Variants in CLDN10 observed in about 807,000 individuals in gnomAD.
CLDN10 encodes the protein claudin-10.
In CLDN10, 15 loss-of-function variants were observed where a neutral mutation model predicts 22.9. The ratio of observed to expected loss-of-function variants is 0.65; its 90% CI spans 0.44 to 1.01. The LOEUF (loss-of-function observed/expected upper bound fraction) is 1.01, where lower values mean the gene tolerates loss of function less well. CLDN10 is among the 50% of genes least tolerant of loss of function. The pLI is 0.00. For synonymous variants in CLDN10, 114 were observed against 111.4 expected, an observed-to-expected ratio of 1.02 and a Z score of -0.15; for missense variants, 247 against 287.8, an observed-to-expected ratio of 0.86 and a Z score of 1.03.
chr13:95,573,239 G>C (rs2043884146), intron 3 of CLDN10, among the ~76,000 whole-genome samples: 2 of 152,190 alleles, frequency 1.3e-5, no homozygotes, highest in Non-Finnish European at 2.9e-5. Flanking sequence ...AATGTGTATT[G>C]AAGTTATACG....
At chr13:95,451,177 C>T (rs1018894729) in intron 1 of CLDN10, among the ~76,000 whole-genome samples, 3 of 152,180 alleles carry the variant, frequency 2.0e-5, no homozygotes, top group African/African-American at 4.8e-5. Flanking sequence ...GGCCAATCCC[C>T]GGCAGGAAGA....
At chr13:95,495,445 T>C (rs894934866) in intron 1 of CLDN10, among the ~76,000 whole-genome samples, 2 of 151,774 alleles carry the variant, frequency 1.3e-5, no homozygotes, top group African/African-American at 4.8e-5. Flanking sequence ...TGTAATTTCC[T>C]AGAAAGAAAT....
chr13:95,478,035 G>A (rs2042702510), intron 1 of CLDN10, among the ~76,000 whole-genome samples: 1 of 152,256 alleles, frequency 6.6e-6, no homozygotes, highest in Non-Finnish European at 1.5e-5. Flanking sequence ...GCCAGGCACA[G>A]TGGCTCATGC....
intron 1 of CLDN10, among the ~76,000 whole-genome samples, chr13:95,466,685 T>C (rs908121083): frequency 1.6e-4 from 24 of 152,080 alleles, no homozygotes; most frequent in African/African-American, 5.6e-4. Flanking sequence ...TAACTTGTCA[T>C]TGATGCCTTA....
chr13:95,561,151 A>G (rs1338300104), intron 3 of CLDN10, among the ~76,000 whole-genome samples: 1 of 152,198 alleles, frequency 6.6e-6, no homozygotes, highest in African/African-American at 2.4e-5. Context: ...ATCAGAATTA[A>G]TATATTAAAT....
chr13:95,541,677 CG>C (rs1291918343), intron 1 of CLDN10, among the ~76,000 whole-genome samples: 1 of 151,988 alleles, frequency 6.6e-6, no homozygotes, highest in Non-Finnish European at 1.5e-5. Context: ...ACTTTTTAGA[CG>C]GGAAAAATGG....
At chr13:95,497,489 GC>G (rs1179725572) in intron 1 of CLDN10, among the ~76,000 whole-genome samples, 5 of 152,150 alleles carry the variant, frequency 3.3e-5, no homozygotes, top group African/African-American at 1.2e-4. Flanking sequence ...CTGTTACTCT[GC>G]AAAGGACAGA....
At chr13:95,511,343 A>G (rs1397798816) in intron 1 of CLDN10, among the ~76,000 whole-genome samples, 1 of 152,040 alleles carries the variant, frequency 6.6e-6, no homozygotes, top group Non-Finnish European at 1.5e-5. Context: ...GGAAAGAGAA[A>G]AAAACCCTAA....
chr13:95,495,743 C>CAAAAAAAAAA (rs71722865), intron 1 of CLDN10, among the ~76,000 whole-genome samples: 4 of 85,694 alleles, frequency 4.7e-5, no homozygotes, highest in Admixed American at 1.4e-4. Context: ...GACTCCACCT[C>CAAAAAAAAAA]AAAAAAAAAA....
rs549535926 is a variant in CLDN10, at chr13:95,569,896, G to A, written c.465-7335G>A. On this transcript the variant is annotated intron_variant, in intron 3 of 4. Transcript: ENST00000299339. ...CCATTCTCCTGCCTCAGTCTCCCAA[G>A]TAGCTGGGACTACAGGCGCCCGCCA... 4.3e-4 allele frequency among the ~76,000 whole-genome samples: 66 copies of A among 152,152 alleles called. 1 individual carries two copies. The highest frequency in any genetic ancestry group is 6.8e-3 in the Middle Eastern group (2 of 294).
At chr13:95,454,614 C>T (rs2042464737) in intron 1 of CLDN10, among the ~76,000 whole-genome samples, 1 of 152,070 alleles carries the variant, frequency 6.6e-6, no homozygotes, top group Admixed American at 6.5e-5. Flanking sequence ...AGCCTTGTCA[C>T]AGAAGATTAG....
At chr13:95,575,623 C>G (rs1243401825) in intron 3 of CLDN10, among the ~76,000 whole-genome samples, 1 of 123,694 alleles carries the variant, frequency 8.1e-6, no homozygotes, top group African/African-American at 2.8e-5. Context: ...TGTTTTTCCT[C>G]GCTTATACAA....
intron 1 of CLDN10, among the ~76,000 whole-genome samples, chr13:95,457,755 C>T (rs1177992555): frequency 6.6e-6 from 1 of 152,054 alleles, no homozygotes; most frequent in African/African-American, 2.4e-5. Context: ...TGGTTTCTGC[C>T]CTTTTTCTAG....
At chr13:95,482,338 T>A (rs1199346259) in intron 1 of CLDN10, among the ~76,000 whole-genome samples, 1 of 152,156 alleles carries the variant, frequency 6.6e-6, no homozygotes, top group East Asian at 1.9e-4. Context: ...AGTCTGTAGT[T>A]TGTTGACCCC....
Position 95,578,007 on chromosome 13 carries a change from A to G in CLDN10, c.680A>G (p.Tyr227Cys). Residue 227 changes from tyrosine (Y) to cysteine (C), a missense_variant, in exon 5 of 5, where the codon TAT becomes TGT. Coordinates refer to ENST00000299339, the MANE Select transcript of CLDN10 (RefSeq NM_006984.5). ...TCAAAACAGTTTGATAAAAATGCTT[A>G]TGTCTAAAAGAGCTCGCTGGCAAGC... is the stretch of plus-strand genomic sequence containing the variant. ...NPSKQFDKNA[Y>C]V is the part of the protein sequence containing the mutation. 6.2e-7 allele frequency: 1 copy of G among 1,601,842 alleles called. No individual in the cohort carries two copies. Among genetic ancestry groups the G allele is most frequent in the Non-Finnish European group, 8.6e-7 (1 of 1,169,360 alleles).
At chr13:95,519,651 T>G (rs927581166) in intron 1 of CLDN10, among the ~76,000 whole-genome samples, 1 of 152,262 alleles carries the variant, frequency 6.6e-6, no homozygotes, top group Non-Finnish European at 1.5e-5. Flanking sequence ...AACTCAGTCC[T>G]TGTTCAAGCT....
chr13:95,506,927 G>T (rs1490011797), intron 1 of CLDN10, among the ~76,000 whole-genome samples: 2 of 152,124 alleles, frequency 1.3e-5, no homozygotes, highest in Non-Finnish European at 2.9e-5. Flanking sequence ...TTTCTCAGCA[G>T]GCCACGAGGA....
intron 1 of CLDN10, among the ~76,000 whole-genome samples, chr13:95,513,232 G>A (rs2138566107): frequency 6.6e-6 from 1 of 152,212 alleles, no homozygotes; most frequent in East Asian, 1.9e-4. Context: ...TTGTAGAATG[G>A]CCCTTAGAAT....
chr13:95,484,865 CAAAAAA>C (rs746231195), intron 1 of CLDN10, among the ~76,000 whole-genome samples: 2,314 of 93,602 alleles, frequency 0.025, 103 homozygotes, highest in African/African-American at 0.079. Flanking sequence ...GACCCTGTCT[CAAAAAA>C]AAAAAAAAAA....
Sources: gnomAD v4.1 joint callset for allele counts (sites outside exome capture counted in the v4.1 genomes callset) on GRCh38, gnomAD v4.1.1 for gene constraint, MANE v1.5 for transcripts, NCBI Gene and HGNC (gene_info 2026-07-23, HGNC 2026-07-21) for gene names.